Variants in SIPA1L1 observed in about 807,000 individuals in gnomAD.
The protein encoded by SIPA1L1 is signal-induced proliferation-associated 1-like protein 1.
Under a neutral mutation model 162.7 loss-of-function variants are expected in SIPA1L1, and 26 were observed. The ratio of observed to expected loss-of-function variants is 0.16; its 90% CI spans 0.12 to 0.22. The LOEUF is 0.22. SIPA1L1 is among the 10% of genes least tolerant of loss of function. The pLI, the probability that SIPA1L1 is intolerant of heterozygous loss-of-function variation, is 1.00. For missense variants in SIPA1L1, 1,874 were observed against 2,241.0 expected (o/e 0.84, Z 3.31); for synonymous variants, 829 against 837.4 (o/e 0.99, Z 0.17).
chr14:71,437,129 A>T (rs548923741), intron 2 of SIPA1L1, among the ~76,000 whole-genome samples: 35 of 152,222 alleles, frequency 2.3e-4, no homozygotes, highest in African/African-American at 7.7e-4. Flanking sequence ...TTACTTATTA[A>T]TTTAAAATTT....
At chr14:71,695,797 GT>G (rs1235323771) in intron 13 of SIPA1L1, among the ~76,000 whole-genome samples, 1 of 152,126 alleles carries the variant, frequency 6.6e-6, no homozygotes, top group Non-Finnish European at 1.5e-5. Context: ...TCTATTTGAA[GT>G]TTCTCTCTAT....
intron 4 of SIPA1L1, among the ~76,000 whole-genome samples, chr14:71,542,385 GCTTCTTC>G (rs1567175640): frequency 1.7e-3 from 221 of 132,864 alleles, no homozygotes; most frequent in African/African-American, 5.6e-3. Context: ...TGCTGCTGCT[GCTTCTTC>G]CTGCTGCTGC....
intron 8 of SIPA1L1, among the ~76,000 whole-genome samples, chr14:71,657,871 G>A (rs2043195190): frequency 6.6e-6 from 1 of 152,052 alleles, no homozygotes; most frequent in African/African-American, 2.4e-5. Flanking sequence ...GTAAACCACA[G>A]TAATTCATTT....
intron 2 of SIPA1L1, among the ~76,000 whole-genome samples, chr14:71,479,655 G>A (rs1325966159): frequency 6.6e-6 from 1 of 152,006 alleles, no homozygotes; most frequent in African/African-American, 2.4e-5. Context: ...CATTCCTCCT[G>A]CCTGGGCCTC....
At chr14:71,569,568 T>C (rs759223348) in intron 4 of SIPA1L1, among the ~76,000 whole-genome samples, 14 of 152,204 alleles carry the variant, frequency 9.2e-5, no homozygotes, top group Non-Finnish European at 1.9e-4. Context: ...ATGGCATTTG[T>C]GGGTCCCCCA....
chr14:71,398,999 C>G (rs567001797), intron 2 of SIPA1L1, among the ~76,000 whole-genome samples: 1 of 152,306 alleles, frequency 6.6e-6, no homozygotes, highest in African/African-American at 2.4e-5. Flanking sequence ...TAATTAAAAT[C>G]TAACCTGTTT....
chr14:71,731,868 C>A (rs1299008041), intron 20 of SIPA1L1, among the ~76,000 whole-genome samples: 1 of 152,230 alleles, frequency 6.6e-6, no homozygotes, highest in Non-Finnish European at 1.5e-5. Context: ...GATTTCACCC[C>A]CTAACCAGGC....
intron 2 of SIPA1L1, among the ~76,000 whole-genome samples, chr14:71,500,796 C>G (rs547984323): frequency 2.0e-5 from 3 of 152,106 alleles, no homozygotes; most frequent in African/African-American, 4.8e-5. Flanking sequence ...CACCTGAGAT[C>G]GGGAGTTTGA....
chr14:71,412,218 G>T (rs1367420960), intron 2 of SIPA1L1, among the ~76,000 whole-genome samples: 1 of 152,202 alleles, frequency 6.6e-6, no homozygotes, highest in East Asian at 1.9e-4. Context: ...CCATCCTGCA[G>T]CCCACGAGCC....
chr14:71,667,653 G>A (rs887011595), intron 10 of SIPA1L1, among the ~76,000 whole-genome samples: 2 of 152,204 alleles, frequency 1.3e-5, no homozygotes, highest in Admixed American at 1.3e-4. Flanking sequence ...GATGTTTTCT[G>A]TATCACCTTC....
chr14:71,580,909 C>G (rs2033839199), intron 4 of SIPA1L1, among the ~76,000 whole-genome samples: 1 of 152,088 alleles, frequency 6.6e-6, no homozygotes, highest in African/African-American at 2.4e-5. Context: ...AGAAATTACT[C>G]ATAATCAAAA....
At chr14:71,577,102 A>G (rs1222056248) in intron 4 of SIPA1L1, among the ~76,000 whole-genome samples, 1 of 151,666 alleles carries the variant, frequency 6.6e-6, no homozygotes, top group Non-Finnish European at 1.5e-5. Flanking sequence ...AAAGAAAATA[A>G]TGGCATGGCA....
chr14:71,722,391 G>A (rs1467706539), intron 17 of SIPA1L1, among the ~76,000 whole-genome samples: 1 of 152,200 alleles, frequency 6.6e-6, no homozygotes, highest in Non-Finnish European at 1.5e-5. Context: ...TTTAGGTCAG[G>A]ACGATTCATT....
chr14:71,734,537 G>A lies in SIPA1L1; in HGVS notation c.5008+725G>A, dbSNP rs1208094596. 2.0e-5 allele frequency among the ~76,000 whole-genome samples: 3 copies of A among 151,910 alleles called. No homozygotes were observed. The East Asian group carries it at 5.8e-4, about 29-fold the overall frequency. ...TTTTTTTTCTGTTTTTGTTGTTGTT[G>A]TTGCTCTTAATTAGGAGAATTGAAA... is the stretch of plus-strand genomic sequence containing the variant. On this transcript the variant is annotated intron_variant, in intron 21 of 23. Coordinates refer to ENST00000381232, the MANE Select transcript of SIPA1L1 (RefSeq NM_001386936.1).
intron 13 of SIPA1L1, among the ~76,000 whole-genome samples, chr14:71,695,579 CAT>C (rs2081565811): frequency 1.3e-5 from 2 of 152,204 alleles, no homozygotes; most frequent in Non-Finnish European, 2.9e-5. Context: ...GTAACTTCCT[CAT>C]AGAAGCATAA....
intron 2 of SIPA1L1, among the ~76,000 whole-genome samples, chr14:71,376,807 C>T (rs1216826141): frequency 6.6e-6 from 1 of 152,084 alleles, no homozygotes. Context: ...TTCCATTTAA[C>T]CCTGAGTTGA....
chr14:71,665,990 A>G (rs1321962277), intron 10 of SIPA1L1, among the ~76,000 whole-genome samples: 2 of 152,204 alleles, frequency 1.3e-5, no homozygotes, highest in African/African-American at 4.8e-5. Context: ...AGGGGGAACT[A>G]TTGTGTGCTT....
At chr14:71,535,264 A>AAGTATTTAT (rs1445265900) in intron 4 of SIPA1L1, among the ~76,000 whole-genome samples, 5 of 152,296 alleles carry the variant, frequency 3.3e-5, no homozygotes, top group African/African-American at 1.2e-4. Context: ...TCTAAACTGG[A>AAGTATTTAT]AGTATTTATT....
intron 4 of SIPA1L1, among the ~76,000 whole-genome samples, chr14:71,550,648 C>T (rs1366698495): frequency 6.6e-6 from 1 of 151,920 alleles, no homozygotes; most frequent in Non-Finnish European, 1.5e-5. Context: ...AGTTGCATGA[C>T]TTGAAATATC....
Sources: allele counts gnomAD v4.1 joint callset (sites outside exome capture counted in the v4.1 genomes callset), GRCh38; gene constraint gnomAD v4.1.1; transcripts MANE v1.5; gene names NCBI Gene and HGNC (gene_info 2026-07-23, HGNC 2026-07-21).